Variants in DGKB observed in about 807,000 individuals in gnomAD.
DGKB encodes the protein 90 kDa diacylglycerol kinase.
DGKB carries 67 observed loss-of-function variants against 114.3 expected under a neutral mutation model. The ratio of observed to expected loss-of-function variants is 0.59; its 90% CI spans 0.48 to 0.72. The LOEUF is 0.72. DGKB is among the 30% of genes least tolerant of loss of function. The pLI, the probability that DGKB is intolerant of heterozygous loss-of-function variation, is 0.00. For synonymous variants in DGKB, 398 were observed against 323.1 expected (o/e 1.23, Z -2.49); for missense variants, 907 against 975.2 (o/e 0.93, Z 0.93).
At chr7:14,453,489 G>A (rs984373694) in intron 21 of DGKB, among the ~76,000 whole-genome samples, 3 of 152,050 alleles carry the variant, frequency 2.0e-5, no homozygotes, top group African/African-American at 7.2e-5. Context: ...TCTCCACCAA[G>A]GCTCAAAATT....
chr7:14,402,612 G>A (rs1258816930), intron 21 of DGKB, among the ~76,000 whole-genome samples: 1 of 151,866 alleles, frequency 6.6e-6, no homozygotes, highest in African/African-American at 2.4e-5. Context: ...CTATCAAAAT[G>A]TGAAAAGTTA....
At chr7:14,529,847 G>A (rs550512892) in intron 20 of DGKB, among the ~76,000 whole-genome samples, 1 of 151,628 alleles carries the variant, frequency 6.6e-6, no homozygotes, top group South Asian at 2.1e-4. Flanking sequence ...CCTTCTCTTT[G>A]GAATTCTACA....
chr7:14,540,270 G>T (rs142226320), intron 20 of DGKB, among the ~76,000 whole-genome samples: 73 of 152,190 alleles, frequency 4.8e-4, no homozygotes, highest in Admixed American at 1.5e-3. Flanking sequence ...CAATTTTAAT[G>T]ATGCCTTGGA....
intron 23 of DGKB, chr7:14,190,835 A>T (rs1380461440): frequency 6.5e-6 from 1 of 152,810 alleles, no homozygotes; most frequent in Admixed American, 6.5e-5. Context: ...ACATTGTCAA[A>T]ATTGGACACA....
intron 23 of DGKB, among the ~76,000 whole-genome samples, chr7:14,272,337 T>G (rs1798382761): frequency 6.6e-6 from 1 of 152,184 alleles, no homozygotes; most frequent in Non-Finnish European, 1.5e-5. Context: ...TGAAAAATTC[T>G]ACACAAATGC....
chr7:14,904,420 A>G (rs1466374670), upstream of DGKB, among the ~76,000 whole-genome samples: 3 of 152,158 alleles, frequency 2.0e-5, no homozygotes, highest in African/African-American at 7.2e-5. Flanking sequence ...AGGGTTAATC[A>G]GGGTTAAATT....
chr7:14,750,048 G>T, intron 4 of DGKB: 1 of 488,132 alleles, frequency 2.0e-6, no homozygotes, highest in South Asian at 1.5e-5. Context: ...TTTAGGAACT[G>T]CACTAAATAT....
In DGKB at chr7:14,241,705, T is replaced by C. The variant is rs1197081146; in HGVS notation, c.2123-63554A>G. Among the ~76,000 whole-genome samples, 7 of 152,096 alleles carry C rather than the reference T, an allele frequency of 4.6e-5. No individual in the cohort carries two copies. The East Asian group carries it at 1.4e-3, about 29-fold the overall frequency. Reference sequence around the variant, plus strand: ...AAACCCCAGGGAGTTTATAAATACATCATGAGAACATTTATGTAGACACAA... The same window carrying C: ...AAACCCCAGGGAGTTTATAAATACACCATGAGAACATTTATGTAGACACAA... On this transcript the variant is annotated intron_variant, in intron 23 of 25. Transcript: ENST00000402815.
At chr7:14,348,199 G>C (rs1812814425) in intron 21 of DGKB, among the ~76,000 whole-genome samples, 1 of 149,098 alleles carries the variant, frequency 6.7e-6, no homozygotes, top group African/African-American at 2.5e-5. Context: ...CCACTAATCT[G>C]TTCTCTAGTT....
intron 23 of DGKB, among the ~76,000 whole-genome samples, chr7:14,248,921 G>A (rs1200808086): frequency 6.6e-6 from 1 of 152,076 alleles, no homozygotes; most frequent in African/African-American, 2.4e-5. Flanking sequence ...ACTCATTCCT[G>A]ATTTTAGGAG....
intron 13 of DGKB, among the ~76,000 whole-genome samples, chr7:14,672,526 T>A (rs1400531831): frequency 1.3e-5 from 2 of 152,032 alleles, no homozygotes; most frequent in Non-Finnish European, 2.9e-5. Context: ...TTAGGTAGCC[T>A]CTAACCTAGA....
At chr7:14,349,651 A>G (rs1217226329) in intron 21 of DGKB, among the ~76,000 whole-genome samples, 1 of 152,184 alleles carries the variant, frequency 6.6e-6, no homozygotes, top group African/African-American at 2.4e-5. Flanking sequence ...TTTCACTTAG[A>G]TAAATATATG....
chr7:14,667,922 G>T (rs560704847), intron 13 of DGKB, among the ~76,000 whole-genome samples: 4 of 152,116 alleles, frequency 2.6e-5, no homozygotes, highest in Admixed American at 2.0e-4. Context: ...GACCCGAAGG[G>T]CTTGACACAA....
At chr7:14,403,155 G>C (rs1487638409) in intron 21 of DGKB, among the ~76,000 whole-genome samples, 1 of 151,532 alleles carries the variant, frequency 6.6e-6, no homozygotes, top group African/African-American at 2.4e-5. Context: ...TTTGTTAGAA[G>C]AAATTACATA....
At chr7:14,689,466 C>G (rs968509468) in intron 9 of DGKB, among the ~76,000 whole-genome samples, 1 of 152,020 alleles carries the variant, frequency 6.6e-6, no homozygotes, top group Non-Finnish European at 1.5e-5. Context: ...CCACCGCGCC[C>G]GGCCGAAACT....
intron 1 of DGKB, among the ~76,000 whole-genome samples, chr7:14,878,671 C>A (rs1398408967): frequency 6.6e-6 from 1 of 150,962 alleles, no homozygotes; most frequent in East Asian, 1.9e-4. Context: ...ATGGCGTGAA[C>A]CCGGGAGGCG....
chr7:14,678,534 T>G (rs1820279984), intron 12 of DGKB, among the ~76,000 whole-genome samples: 1 of 151,922 alleles, frequency 6.6e-6, no homozygotes, highest in Non-Finnish European at 1.5e-5. Flanking sequence ...GCAGAGGGTG[T>G]GTGTAGAAGA....
chr7:14,573,057 A>C (rs1563553054), intron 20 of DGKB, among the ~76,000 whole-genome samples: 1 of 152,170 alleles, frequency 6.6e-6, no homozygotes, highest in Non-Finnish European at 1.5e-5. Flanking sequence ...AAATTGGATT[A>C]ATTTACTAAA....
At chr7:14,504,378 T>C (rs536222383) in intron 20 of DGKB, among the ~76,000 whole-genome samples, 2 of 152,162 alleles carry the variant, frequency 1.3e-5, no homozygotes, top group South Asian at 2.1e-4. Flanking sequence ...GGAGTTCAGA[T>C]TGTCACTAGC....
Sources: allele counts gnomAD v4.1 joint callset (sites outside exome capture counted in the v4.1 genomes callset), GRCh38; gene constraint gnomAD v4.1.1; transcripts MANE v1.5; gene names NCBI Gene and HGNC (gene_info 2026-07-23, HGNC 2026-07-21).